Variants in NOS1AP observed in about 807,000 individuals in gnomAD.
NOS1AP encodes carboxyl-terminal PDZ ligand of neuronal nitric oxide synthase protein.
In NOS1AP, 21 loss-of-function variants were observed where a neutral mutation model predicts 56.2. That is an observed-to-expected ratio of 0.37 (90% confidence interval 0.26 to 0.54). The LOEUF is 0.54. Among genes scored for constraint, NOS1AP ranks in the 20% least tolerant of loss-of-function variants. NOS1AP has a pLI of 0.84. For synonymous variants in NOS1AP, 270 were observed against 274.6 expected, an observed-to-expected ratio of 0.98 and a Z score of 0.17; for missense variants, 522 against 657.8, an observed-to-expected ratio of 0.79 and a Z score of 2.26.
At chr1:162,154,905 C>T (rs916588671) in intron 2 of NOS1AP, among the ~76,000 whole-genome samples, 11 of 152,108 alleles carry the variant, frequency 7.2e-5, no homozygotes, top group African/African-American at 2.2e-4. Context: ...CCACCCACCT[C>T]GGCCTCCCAA....
At chr1:162,310,397 G>T (rs1655986165) in intron 4 of NOS1AP, among the ~76,000 whole-genome samples, 1 of 152,206 alleles carries the variant, frequency 6.6e-6, no homozygotes. Context: ...TTGCTAAACT[G>T]AGGAAACTGA....
At chr1:162,283,631 C>T (rs561774889) in intron 2 of NOS1AP, among the ~76,000 whole-genome samples, 1 of 152,298 alleles carries the variant, frequency 6.6e-6, no homozygotes, top group East Asian at 1.9e-4. Context: ...CTTCCTGGAC[C>T]TCACTGACTG....
intron 2 of NOS1AP, among the ~76,000 whole-genome samples, chr1:162,237,705 A>C (rs2101676927): frequency 6.6e-6 from 1 of 152,380 alleles, no homozygotes; most frequent in African/African-American, 2.4e-5. Flanking sequence ...ATTCAACTCA[A>C]GTGGACACAG....
At position 162,081,774 on chromosome 1, in the gene NOS1AP, A is replaced by ATATATATTTTTTTTTTTTTT; in HGVS notation, c.105+11493_105+11494insATATATTTTTTTTTTTTTTT. On this transcript the variant is annotated intron_variant, in intron 1 of 9. Coordinates refer to ENST00000361897, the MANE Select transcript of NOS1AP (RefSeq NM_014697.3). ...TCTATAGATATATATATATATATAT[A>ATATATATTTTTTTTTTTTTT]TTTTTTTTTTGTAGAGATGGGTTTT... Among the ~76,000 whole-genome samples, 305 of 43,938 alleles carry ATATATATTTTTTTTTTTTTT rather than the reference A, an allele frequency of 6.9e-3. 16 individuals carry two copies. The highest frequency in any genetic ancestry group is 0.01 in the Non-Finnish European group (225 of 21,508). 28.8% of individuals were successfully genotyped at this position (43,938 alleles called of 152,430 possible).
intron 6 of NOS1AP, among the ~76,000 whole-genome samples, chr1:162,354,573 G>A (rs141207128): frequency 2.5e-3 from 375 of 152,324 alleles, no homozygotes; most frequent in Non-Finnish European, 4.6e-3. Flanking sequence ...CCTCCTCCCC[G>A]TGCCACTTCC....
rs1195543968 is a variant in NOS1AP, at chr1:162,355,288, T to C, written c.697T>C (p.Phe233Leu). The C allele has an allele frequency of 6.2e-7, 1 of 1,613,970 alleles. No homozygotes were observed. Among genetic ancestry groups the C allele is most frequent in the African/African-American group, 1.3e-5 (1 of 74,890 alleles). The change falls in exon 7 of 10, where the codon TTC becomes CTC. Residue 233 changes from phenylalanine to leucine, a missense_variant. This residue lies in a region of NOS1AP where 178 missense variants were observed against 165.0 expected (regional missense o/e 1.08). Transcript: ENST00000361897. ...VPLPGNDVLE[F>L]SRGVTDLDAV... ...ACTTCCAGGGAATGATGTCCTGGAA[T>C]TCAGCCGAGGTGTGACTGATCTAGA...
intron 4 of NOS1AP, among the ~76,000 whole-genome samples, chr1:162,325,201 G>A (rs573956160): frequency 1.3e-5 from 2 of 152,262 alleles, no homozygotes; most frequent in South Asian, 4.1e-4. Context: ...TATACAGTGG[G>A]GGGAAAATGA....
Position 162,175,916 on chromosome 1 carries a change from C to T in NOS1AP, c.177+21440C>T, listed in dbSNP as rs774049477. Among the ~76,000 whole-genome samples, 13 of 152,222 alleles carry T rather than the reference C, an allele frequency of 8.5e-5. No homozygotes were observed. The East Asian group carries it at 9.7e-4, about 11-fold the overall frequency. On this transcript the variant is annotated intron_variant, in intron 2 of 9. Coordinates refer to ENST00000361897, the MANE Select transcript of NOS1AP (RefSeq NM_014697.3). ...TGCTTAATTGTTCACTTCCAGTGTA[C>T]GCGTACAGTAGTATCAGAATCGTTA...
At chr1:162,109,402 G>C (rs937244580) in intron 1 of NOS1AP, among the ~76,000 whole-genome samples, 1 of 152,096 alleles carries the variant, frequency 6.6e-6, no homozygotes, top group African/African-American at 2.4e-5. Flanking sequence ...TTAAAGAAAG[G>C]TCTTTATCTT....
intron 1 of NOS1AP, among the ~76,000 whole-genome samples, chr1:162,125,820 T>C (rs892248982): frequency 7.9e-5 from 12 of 152,180 alleles, no homozygotes; most frequent in South Asian, 2.1e-4. Flanking sequence ...ACTATCTTGA[T>C]ATTTTGGTAG....
chr1:162,202,658 A>G (rs1038624076), intron 2 of NOS1AP, among the ~76,000 whole-genome samples: 37 of 152,288 alleles, frequency 2.4e-4, no homozygotes, highest in Admixed American at 1.9e-3. Context: ...TCCTTGGGTT[A>G]GGTTCCTAGA....
chr1:162,073,708 G>A (rs1343732442), intron 1 of NOS1AP, among the ~76,000 whole-genome samples: 1 of 152,230 alleles, frequency 6.6e-6, no homozygotes, highest in Admixed American at 6.5e-5. Context: ...TGATCTGCCT[G>A]CCCCAGCCTC....
intron 1 of NOS1AP, among the ~76,000 whole-genome samples, chr1:162,111,502 A>C (rs1460422169): frequency 6.6e-6 from 1 of 152,200 alleles, no homozygotes; most frequent in Non-Finnish European, 1.5e-5. Flanking sequence ...GAGGAATGAC[A>C]TATTTCTTTC....
chr1:162,305,124 G>C (rs190028200), intron 4 of NOS1AP, among the ~76,000 whole-genome samples: 22 of 152,040 alleles, frequency 1.4e-4, no homozygotes, highest in African/African-American at 5.1e-4. Context: ...TTTTTTAATT[G>C]TGGTGAAATA....
chr1:162,122,509 A>ATTT (rs35388532), intron 1 of NOS1AP, among the ~76,000 whole-genome samples: 1 of 142,250 alleles, frequency 7.0e-6, no homozygotes, highest in Non-Finnish European at 1.5e-5. Context: ...ATGAATCCCC[A>ATTT]TTTTTTTTTT....
At chr1:162,227,238 A>T (rs1275515406) in intron 2 of NOS1AP, among the ~76,000 whole-genome samples, 3 of 152,130 alleles carry the variant, frequency 2.0e-5, no homozygotes, top group Non-Finnish European at 2.9e-5. Context: ...AAAAACATAA[A>T]TTTTTCACAC....
intron 1 of NOS1AP, among the ~76,000 whole-genome samples, chr1:162,118,838 C>T (rs1648078477): frequency 6.6e-6 from 1 of 152,142 alleles, no homozygotes. Flanking sequence ...CTCTTTTGGA[C>T]TCTGTGAGTT....
chr1:162,251,413 C>A (rs1463624820), intron 2 of NOS1AP, among the ~76,000 whole-genome samples: 1 of 152,082 alleles, frequency 6.6e-6, no homozygotes, highest in East Asian at 1.9e-4. Context: ...TGTCCTGTTT[C>A]TTCAGAGAGA....
intron 1 of NOS1AP, among the ~76,000 whole-genome samples, chr1:162,135,158 C>A (rs1319722036): frequency 6.6e-6 from 1 of 152,184 alleles, no homozygotes; most frequent in Admixed American, 6.5e-5. Context: ...ACAGCAGTGA[C>A]CTTAGCACAT....
Sources: gnomAD v4.1 joint callset for allele counts (sites outside exome capture counted in the v4.1 genomes callset) on GRCh38, gnomAD v4.1.1 for gene constraint, gnomAD v4.1.1 regional missense constraint, MANE v1.5 for transcripts, NCBI Gene and HGNC (gene_info 2026-07-23, HGNC 2026-07-21) for gene names.